Variants in GCKR observed in about 807,000 individuals in gnomAD.
GCKR encodes the protein glucokinase regulatory protein.
Under a neutral mutation model 82.9 loss-of-function variants are expected in GCKR, and 73 were observed. The ratio of observed to expected loss-of-function variants is 0.88; its 90% CI spans 0.73 to 1.07. The LOEUF is 1.07. Ranked by LOEUF, GCKR falls within the 50% of genes least tolerant of loss-of-function variation. The pLI is 0.00. For synonymous variants in GCKR, 294 were observed against 291.8 expected (o/e 1.01, Z -0.08); for missense variants, 784 against 782.1 (o/e 1.00, Z -0.03).
At chr2:27,507,569 C>G in intron 13 of GCKR, 112 bp from the exon 14 acceptor site, 1 of 755,902 alleles carries the variant, frequency 1.3e-6, no homozygotes, top group South Asian at 1.4e-5. Flanking sequence ...AACTTCAGCT[C>G]TTTCACCTGT....
At chr2:27,501,272 A>T in intron 8 of GCKR, 43 bp downstream of exon 8, 1 of 1,250,758 alleles carries the variant, frequency 8.0e-7, no homozygotes, top group Non-Finnish European at 1.2e-6. Flanking sequence ...GGCAGGCTGG[A>T]GGGGAACATG....
chr2:27,514,395 C>G (rs1454091100), intron 16 of GCKR, among the ~76,000 whole-genome samples: 1 of 152,150 alleles, frequency 6.6e-6, no homozygotes, highest in Non-Finnish European at 1.5e-5. Flanking sequence ...CATTCCATTT[C>G]CATTCATGCC....
intron 16 of GCKR, among the ~76,000 whole-genome samples, chr2:27,517,548 A>G (rs975540071): frequency 1.3e-5 from 2 of 152,270 alleles, no homozygotes; most frequent in African/African-American, 2.4e-5. Context: ...CCATGATTCA[A>G]TTACCTCCAC....
At chr2:27,499,326 T>A (rs976565174) in intron 6 of GCKR, 71 bp from the exon 7 acceptor site, 1 of 1,388,136 alleles carries the variant, frequency 7.2e-7, no homozygotes. Flanking sequence ...CTGGCCCTGA[T>A]ATCCTCACAC....
At chr2:27,508,811 C>T (rs1017156695) in intron 16 of GCKR, among the ~76,000 whole-genome samples, 3 of 151,922 alleles carry the variant, frequency 2.0e-5, no homozygotes, top group Non-Finnish European at 2.9e-5. Context: ...CTGCGCCTGG[C>T]TGGGACAGGT....
At chr2:27,519,521 C>T (rs189001873) in intron 17 of GCKR, among the ~76,000 whole-genome samples, 364 of 152,174 alleles carry the variant, frequency 2.4e-3, no homozygotes, top group Admixed American at 4.8e-3. Context: ...AGGCTGGTCT[C>T]GAACTCCTGA....
intron 16 of GCKR, among the ~76,000 whole-genome samples, chr2:27,512,551 GA>G (rs1669915124): frequency 6.9e-6 from 1 of 145,520 alleles, no homozygotes; most frequent in South Asian, 2.2e-4. Context: ...AAAAAAAAAA[GA>G]AGATAATTGG....
intron 7 of GCKR, 50 bp downstream of exon 7, chr2:27,499,500 G>A: frequency 8.4e-7 from 1 of 1,190,932 alleles, no homozygotes; most frequent in East Asian, 2.3e-5. Flanking sequence ...GAGGAAGTGA[G>A]TGGGAATGGA....
intron 17 of GCKR, 73 bp downstream of exon 17, chr2:27,519,010 TAG>T (rs1670084783): frequency 2.2e-6 from 3 of 1,374,678 alleles, no homozygotes; most frequent in Non-Finnish European, 3.1e-6. Flanking sequence ...GGGCATTTTG[TAG>T]AGATATGGAA....
In GCKR at chr2:27,507,306, A is replaced by C. The variant is rs752213126; in HGVS notation, c.1138A>C (p.Asn380His). 13 of 1,603,756 alleles carry C rather than the reference A, an allele frequency of 8.1e-6. 1 individual carries two copies. The South Asian group carries it at 1.4e-4, about 18-fold the overall frequency. ...DMFNQKAELTNQGPQFTFSQE... is the reference protein window; with the variant it reads ...DMFNQKAELTHQGPQFTFSQE... ...GTTTAACCAGAAGGCTGAGCTCACC[A>C]ACCAGGTCGGAGAAGAACAGGACTT... Residue 380 changes from asparagine to histidine, a missense_variant, in exon 13 of 19, where the codon AAC becomes CAC. Asn to His is a moderately conservative substitution (Grantham distance 68). Transcript: ENST00000264717.
intron 16 of GCKR, among the ~76,000 whole-genome samples, chr2:27,511,867 A>G (rs1669891713): frequency 6.6e-6 from 1 of 152,172 alleles, no homozygotes; most frequent in Admixed American, 6.5e-5. Flanking sequence ...AGGAACACCC[A>G]TATACTTTTC....
chr2:27,519,778 C>T (rs1428601220), intron 17 of GCKR, among the ~76,000 whole-genome samples: 1 of 152,180 alleles, frequency 6.6e-6, no homozygotes, highest in African/African-American at 2.4e-5. Flanking sequence ...CTGAAGCAAT[C>T]ACTGTTCTCC....
chr2:27,515,554 G>A (rs1398206756), intron 16 of GCKR, among the ~76,000 whole-genome samples: 2 of 152,092 alleles, frequency 1.3e-5, no homozygotes, highest in East Asian at 1.9e-4. Flanking sequence ...GGGATTATAG[G>A]CGTGGTCCAG....
At chr2:27,513,176 T>A (rs1326422174) in intron 16 of GCKR, among the ~76,000 whole-genome samples, 1 of 152,212 alleles carries the variant, frequency 6.6e-6, no homozygotes, top group African/African-American at 2.4e-5. Context: ...AGTTTTTCAA[T>A]GGTGATTTTC....
chr2:27,500,760 G>A (rs1440741648), intron 7 of GCKR, among the ~76,000 whole-genome samples: 1 of 152,170 alleles, frequency 6.6e-6, no homozygotes, highest in African/African-American at 2.4e-5. Flanking sequence ...ATGACTCCAA[G>A]TTTCCTCTCA....
intron 16 of GCKR, 97 bp from the exon 17 acceptor site, chr2:27,518,691 T>C: frequency 9.9e-7 from 1 of 1,006,310 alleles, no homozygotes; most frequent in South Asian, 1.3e-5. Flanking sequence ...TCCCTGGTTC[T>C]TGACAGTTGG....
intron 13 of GCKR, 56 bp from the exon 14 acceptor site, chr2:27,507,625 G>A: frequency 1.1e-6 from 1 of 943,654 alleles, no homozygotes; most frequent in Non-Finnish European, 1.8e-6. Context: ...TAGTCCTCAA[G>A]TCTGTGCTTT....
chr2:27,507,839 C>A lies in GCKR; in HGVS notation c.1240+62C>A. 3 of 1,197,144 alleles carry A rather than the reference C, an allele frequency of 2.5e-6. 1 individual carries two copies. Among genetic ancestry groups the A allele is most frequent in the Non-Finnish European group, 3.7e-6 (3 of 800,454 alleles). The allele number at this position is 1,197,144 out of a possible 1,614,324, so 74.2% of individuals were successfully genotyped here. A position where few individuals can be genotyped will look rare whatever the true frequency, so the allele number is the denominator to read the frequency against. On this transcript the variant is annotated intron_variant, in intron 14 of 18. Coordinates refer to ENST00000264717, the MANE Select transcript of GCKR (RefSeq NM_001486.4). ...GGGGAAATAGAATGGTTCAGAGGAGCTGTTGTTTTTCTGGGTCTTAGGGTA... is the reference window on the plus strand; with the variant it reads ...GGGGAAATAGAATGGTTCAGAGGAGATGTTGTTTTTCTGGGTCTTAGGGTA...
rs767307805 is a variant in GCKR, at chr2:27,503,491, C to T, written c.645-23C>T. ...GAGATCCTCATAGACAATCTCCCCA[C>T]CTTGTGTCTCTCTGGACCTCAGAAA... On this transcript the variant is annotated intron_variant, in intron 8 of 18. Transcript: ENST00000264717. 3 of 1,256,512 alleles carry T rather than the reference C, an allele frequency of 2.4e-6. No homozygotes were observed. The East Asian group carries it at 6.9e-5, about 29-fold the overall frequency. The allele number at this position is 1,256,512 out of a possible 1,614,324, so 77.8% of individuals were successfully genotyped here.
Sources: gnomAD v4.1 joint callset for allele counts (sites outside exome capture counted in the v4.1 genomes callset) on GRCh38, gnomAD v4.1.1 for gene constraint, MANE v1.5 for transcripts, NCBI Gene and HGNC (gene_info 2026-07-23, HGNC 2026-07-21) for gene names.